SNTG1: variants seen among roughly 807,000 people sequenced by gnomAD.
The protein encoded by SNTG1 is syntrophin gamma 1.
In SNTG1, 39 loss-of-function variants were observed where a neutral mutation model predicts 74.7. The ratio of observed to expected loss-of-function variants is 0.52; its 90% confidence interval spans 0.40 to 0.68. SNTG1 has a LOEUF of 0.68. Ranked by LOEUF, SNTG1 falls within the 30% of genes least tolerant of loss-of-function variation. SNTG1 has a pLI of 0.00. For synonymous variants in SNTG1, 254 were observed against 217.1 expected, an observed-to-expected ratio of 1.17 and a Z score of -1.49; for missense variants, 685 against 609.5, an observed-to-expected ratio of 1.12 and a Z score of -1.30.
intron 15 of SNTG1, among the ~76,000 whole-genome samples, chr8:50,688,958 G>A (rs1374142888): frequency 6.6e-6 from 1 of 152,092 alleles, no homozygotes; most frequent in African/African-American, 2.4e-5. Flanking sequence ...AGTTCTCCTT[G>A]ACTAGGTCCT....
At chr8:50,430,882 G>T (rs1372790510) in intron 4 of SNTG1, among the ~76,000 whole-genome samples, 2 of 152,164 alleles carry the variant, frequency 1.3e-5, no homozygotes, top group Non-Finnish European at 2.9e-5. Context: ...AATCGACATG[G>T]AATTCCGAGA....
intron 15 of SNTG1, among the ~76,000 whole-genome samples, chr8:50,693,887 A>C (rs2095393335): frequency 6.6e-6 from 1 of 152,218 alleles, no homozygotes; most frequent in Admixed American, 6.5e-5. Context: ...ATTGAAAGAT[A>C]CATTTAAAAA....
chr8:49,927,551 G>C (rs936823697), intron 1 of SNTG1, among the ~76,000 whole-genome samples: 1 of 152,096 alleles, frequency 6.6e-6, no homozygotes, highest in Non-Finnish European at 1.5e-5. Flanking sequence ...GGTACTAAGT[G>C]AAAGAAGCTA....
chr8:50,288,485 C>T (rs1433267044), intron 2 of SNTG1, among the ~76,000 whole-genome samples: 1 of 152,090 alleles, frequency 6.6e-6, no homozygotes, highest in African/African-American at 2.4e-5. Flanking sequence ...TTTATACTGC[C>T]TGTGAGAGCA....
chr8:50,654,151 C>T (rs923924845), intron 13 of SNTG1, among the ~76,000 whole-genome samples: 2 of 152,156 alleles, frequency 1.3e-5, no homozygotes, highest in African/African-American at 4.8e-5. Context: ...TAGCCATCAT[C>T]TCTTTCAATA....
At chr8:50,187,974 C>A (rs1364629232) in intron 2 of SNTG1, among the ~76,000 whole-genome samples, 1 of 152,120 alleles carries the variant, frequency 6.6e-6, no homozygotes, top group East Asian at 1.9e-4. Context: ...TCAGCACATA[C>A]ATATTATCCA....
At position 50,331,040 on chromosome 8, in the gene SNTG1, T is replaced by C. The variant is rs1036604073; in HGVS notation, c.-27-63172T>C. ...TCTCTACAGGTAATATTTTTCTAGC[T>C]ATTTTCCAAAATGTGTTTCTATATT... On this transcript the variant is annotated intron_variant, in intron 2 of 18. Transcript: ENST00000642720. Among the ~76,000 whole-genome samples the C allele has an allele frequency of 5.9e-5, 9 of 152,352 alleles. No individual in the cohort carries two copies. In the East Asian group the frequency reaches 1.7e-3, roughly 29 times the overall value.
At chr8:50,050,689 A>G (rs1036973356) in intron 1 of SNTG1, among the ~76,000 whole-genome samples, 1 of 152,070 alleles carries the variant, frequency 6.6e-6, no homozygotes, top group African/African-American at 2.4e-5. Context: ...TCATTCTATG[A>G]GGACAATATT....
chr8:50,528,324 G>A (rs1210028071), intron 9 of SNTG1, among the ~76,000 whole-genome samples: 1 of 151,800 alleles, frequency 6.6e-6, no homozygotes, highest in African/African-American at 2.4e-5. Flanking sequence ...TTCCTAGAAC[G>A]CTAAAGTTTT....
chr8:50,289,007 T>G (rs1563849832), intron 2 of SNTG1, among the ~76,000 whole-genome samples: 1 of 152,210 alleles, frequency 6.6e-6, no homozygotes, highest in Non-Finnish European at 1.5e-5. Context: ...AGTTCCAACA[T>G]GTGACCAGTT....
At chr8:50,692,298 G>C (rs1029675592) in intron 15 of SNTG1, among the ~76,000 whole-genome samples, 1 of 152,170 alleles carries the variant, frequency 6.6e-6, no homozygotes, top group South Asian at 2.1e-4. Context: ...GTGAGGAGCT[G>C]CATTCCTTTG....
At chr8:50,380,821 AT>A (rs1434145100) in intron 2 of SNTG1, among the ~76,000 whole-genome samples, 4 of 152,224 alleles carry the variant, frequency 2.6e-5, no homozygotes. Flanking sequence ...GATGATAATA[AT>A]TCTTTTTAAT....
intron 1 of SNTG1, among the ~76,000 whole-genome samples, chr8:49,926,564 C>T (rs1807047565): frequency 6.6e-6 from 1 of 151,910 alleles, no homozygotes; most frequent in Non-Finnish European, 1.5e-5. Flanking sequence ...TAGACATAGA[C>T]CTTAACAGTA....
At chr8:50,025,697 T>A (rs534077869) in intron 1 of SNTG1, among the ~76,000 whole-genome samples, 47 of 152,282 alleles carry the variant, frequency 3.1e-4, no homozygotes, top group Middle Eastern at 3.4e-3. Context: ...AACATTTCTG[T>A]CTCAGAAAAA....
Position 50,614,161 on chromosome 8 carries a change from AATAAC to A in SNTG1, c.849+23248_849+23252del, listed in dbSNP as rs1353840190. 3.9e-5 allele frequency among the ~76,000 whole-genome samples: 6 copies of A among 152,156 alleles called. No homozygotes were observed. In the East Asian group the frequency reaches 1.2e-3, roughly 29 times the overall value. On this transcript the variant is annotated intron_variant, in intron 13 of 18. Coordinates refer to ENST00000642720, the MANE Select transcript of SNTG1 (RefSeq NM_018967.5). ...AATGACTTAAGAAACAATTGAAAAT[AATAAC>A]ATATTACATACAATTTATTACAAAG...
intron 1 of SNTG1, among the ~76,000 whole-genome samples, chr8:50,009,502 T>C (rs1815565236): frequency 1.3e-5 from 2 of 152,142 alleles, no homozygotes; most frequent in African/African-American, 2.4e-5. Context: ...CATTTTTGCA[T>C]GGGGGTTTTG....
chr8:50,684,843 C>G (rs1368659589), intron 15 of SNTG1, among the ~76,000 whole-genome samples: 2 of 148,778 alleles, frequency 1.3e-5, no homozygotes, highest in African/African-American at 4.9e-5. Flanking sequence ...CCCACTAACT[C>G]GTCATCTACC....
At chr8:50,657,386 A>T (rs1367241496) in intron 14 of SNTG1, among the ~76,000 whole-genome samples, 1 of 152,188 alleles carries the variant, frequency 6.6e-6, no homozygotes. Context: ...AAATGAATAT[A>T]TCAAAAGTGA....
rs542608279 is a variant in SNTG1 at position 50,672,462 on chromosome 8, T to G, written c.1038+13799T>G. Reference sequence around the variant, plus strand: ...ATCTTGAGTATTTTTTTTCACATGTTTTTGGCCACATAAAAGTCTTCTCTT... The same window carrying G: ...ATCTTGAGTATTTTTTTTCACATGTGTTTGGCCACATAAAAGTCTTCTCTT... On this transcript the variant is annotated intron_variant, in intron 15 of 18. Coordinates refer to ENST00000642720, the MANE Select transcript of SNTG1 (RefSeq NM_018967.5). Among the ~76,000 whole-genome samples the G allele has an allele frequency of 2.7e-4, 41 of 152,266 alleles. 1 individual carries two copies. In the South Asian group the frequency reaches 8.5e-3, roughly 32 times the overall value.
Sources: allele counts gnomAD v4.1 joint callset (sites outside exome capture counted in the v4.1 genomes callset), GRCh38; gene constraint gnomAD v4.1.1; transcripts MANE v1.5; gene names NCBI Gene and HGNC (gene_info 2026-07-23, HGNC 2026-07-21).